ENAH: variants seen among roughly 807,000 people sequenced by gnomAD.
The protein encoded by ENAH is ENAH actin regulator.
In ENAH, 23 loss-of-function variants were observed where a neutral mutation model predicts 78.7. The observed-to-expected ratio is 0.29, with a 90% CI of 0.21 to 0.41. The LOEUF (loss-of-function observed/expected upper bound fraction) is 0.41. ENAH is among the 10% of genes least tolerant of loss of function. ENAH has a pLI of 1.00. For synonymous variants in ENAH, 226 were observed against 241.0 expected (o/e 0.94, Z 0.58); for missense variants, 544 against 691.0 (o/e 0.79, Z 2.39).
In ENAH at chr1:225,597,769, T is replaced by C. The variant is rs1476625427; in HGVS notation, c.6-30355A>G. On this transcript the variant is annotated intron_variant, in intron 1 of 13. Coordinates refer to ENST00000366843, the MANE Select transcript of ENAH (RefSeq NM_018212.6). ...AAAAAGAGTATTTTTCTTCTTTTGC[T>C]ACACTGAAACGGAACAAAATATTAA... Among the ~76,000 whole-genome samples the C allele has an allele frequency of 9.9e-5, 15 of 152,108 alleles. No individual in the cohort carries two copies. The South Asian group carries it at 3.1e-3, about 32-fold the overall frequency.
intron 1 of ENAH, among the ~76,000 whole-genome samples, chr1:225,621,486 G>T (rs1388918751): frequency 6.6e-6 from 1 of 151,542 alleles, no homozygotes; most frequent in African/African-American, 2.4e-5. Context: ...TAGAGACGGG[G>T]TTTCACCGTT....
At chr1:225,564,074 G>T (rs776230052) in intron 2 of ENAH, among the ~76,000 whole-genome samples, 19 of 151,418 alleles carry the variant, frequency 1.3e-4, no homozygotes, top group Admixed American at 2.0e-4. Context: ...CCTAAAATTG[G>T]TTATTTGTAC....
chr1:225,505,193 C>G, intron 11 of ENAH: 2 of 518,708 alleles, frequency 3.9e-6, no homozygotes, highest in Non-Finnish European at 3.3e-6. Flanking sequence ...CAATTTTTCC[C>G]CAATAAAAGA....
At chr1:225,553,212 C>A (rs1044601244) in intron 3 of ENAH, among the ~76,000 whole-genome samples, 2 of 152,116 alleles carry the variant, frequency 1.3e-5, no homozygotes, top group Non-Finnish European at 2.9e-5. Flanking sequence ...CCAGCCTGGG[C>A]AACAGAGCTA....
At chr1:225,510,027 T>C (rs569593993) in intron 10 of ENAH, among the ~76,000 whole-genome samples, 1 of 152,342 alleles carries the variant, frequency 6.6e-6, no homozygotes, top group Admixed American at 6.5e-5. Flanking sequence ...CAACAAGTGG[T>C]TGTAAAAAGG....
At chr1:225,580,912 C>CAAA (rs78529288) in intron 1 of ENAH, among the ~76,000 whole-genome samples, 18 of 63,910 alleles carry the variant, frequency 2.8e-4, no homozygotes, top group African/African-American at 6.6e-4. Context: ...AGAAAAAAAC[C>CAAA]AAAAAAAAAA....
chr1:225,611,161 TA>T (rs902416672), intron 1 of ENAH, among the ~76,000 whole-genome samples: 21 of 152,110 alleles, frequency 1.4e-4, no homozygotes, highest in Non-Finnish European at 1.2e-4. Context: ...CTGTACATCT[TA>T]TATTTCAATA....
intron 3 of ENAH, among the ~76,000 whole-genome samples, chr1:225,534,482 C>T (rs2096552434): frequency 6.6e-6 from 1 of 151,770 alleles, no homozygotes; most frequent in African/African-American, 2.4e-5. Context: ...AAAGTACATA[C>T]ATTTTAAAAT....
intron 6 of ENAH, 124 bp downstream of exon 6, chr1:225,517,072 G>C: frequency 1.6e-6 from 1 of 606,604 alleles, no homozygotes. Flanking sequence ...AAAAAAGCAT[G>C]GCATTATGGC....
At chr1:225,566,963 T>G (rs1486920545) in intron 2 of ENAH, among the ~76,000 whole-genome samples, 1 of 152,260 alleles carries the variant, frequency 6.6e-6, no homozygotes, top group Non-Finnish European at 1.5e-5. Flanking sequence ...TGTTTGTTTG[T>G]CCTTAATTTG....
intron 10 of ENAH, among the ~76,000 whole-genome samples, chr1:225,510,323 T>C (rs1019535039): frequency 6.6e-6 from 1 of 152,154 alleles, no homozygotes; most frequent in Non-Finnish European, 1.5e-5. Flanking sequence ...ATTCTGAAAT[T>C]ATGAACAAAT....
At chr1:225,639,072 T>C (rs1558948286) in intron 1 of ENAH, among the ~76,000 whole-genome samples, 1 of 152,146 alleles carries the variant, frequency 6.6e-6, no homozygotes, top group Non-Finnish European at 1.5e-5. Context: ...AGCAACACAA[T>C]GCATATCATC....
chr1:225,491,128 T>G lies in ENAH; in HGVS notation c.*6647A>C, dbSNP rs1424238471. The stretch of plus-strand genomic sequence containing the variant: ...TAATGAAAAGCTGGTATTTCTCACA[T>G]AAAACACGTTGAAAAACATTTATTT... On this transcript the variant is annotated 3_prime_UTR_variant, in exon 14 of 14. Transcript: ENST00000366843. The G allele has an allele frequency of 6.6e-6, 1 of 152,196 alleles. No individual in the cohort carries two copies. The highest frequency in any genetic ancestry group is 1.5e-5 in the Non-Finnish European group (1 of 68,040). 9.4% of individuals were successfully genotyped at this position (152,196 alleles called of 1,614,324 possible). A position where few individuals can be genotyped will look rare whatever the true frequency, so the allele number is the denominator to read the frequency against.
chr1:225,652,907 G>T lies in ENAH; in HGVS notation c.-217C>A. 2.5e-6 allele frequency: 1 copy of T among 395,474 alleles called. No homozygotes were observed. Among genetic ancestry groups the T allele is most frequent in the Non-Finnish European group, 4.4e-6 (1 of 225,132 alleles). The allele number at this position is 395,474 out of a possible 1,614,324, so 24.5% of individuals were successfully genotyped here. A position where few individuals can be genotyped will look rare whatever the true frequency, so the allele number is the denominator to read the frequency against. On this transcript the variant is annotated 5_prime_UTR_variant, in exon 1 of 14. Transcript: ENST00000366843. Reference sequence around the variant, plus strand: ...AAGAGGGCGAGAGAAAGGCTGGGGAGGGGGCGGAGAGGCCGAGGCGCGGAG... The same window carrying T: ...AAGAGGGCGAGAGAAAGGCTGGGGATGGGGCGGAGAGGCCGAGGCGCGGAG...
At chr1:225,545,092 C>T (rs998483658) in intron 3 of ENAH, among the ~76,000 whole-genome samples, 2 of 152,164 alleles carry the variant, frequency 1.3e-5, no homozygotes, top group African/African-American at 4.8e-5. Flanking sequence ...GCCAGCCCTC[C>T]ATAATGTCCT....
At chr1:225,584,855 T>C (rs2147797936) in intron 1 of ENAH, among the ~76,000 whole-genome samples, 1 of 152,334 alleles carries the variant, frequency 6.6e-6, no homozygotes, top group South Asian at 2.1e-4. Flanking sequence ...TTCAAAATTA[T>C]AAAATGGTCA....
intron 3 of ENAH, chr1:225,535,439 A>C (rs2096557070): frequency 1.9e-6 from 2 of 1,065,162 alleles, no homozygotes; most frequent in Non-Finnish European, 2.6e-6. Flanking sequence ...AGAAAACAAA[A>C]GTTATGGAAA....
chr1:225,534,099 TAGAA>T (rs1290267247), intron 3 of ENAH, among the ~76,000 whole-genome samples: 2 of 152,060 alleles, frequency 1.3e-5, no homozygotes, highest in Non-Finnish European at 2.9e-5. Flanking sequence ...ACATATTAAA[TAGAA>T]AGGCATACAA....
intron 1 of ENAH, among the ~76,000 whole-genome samples, chr1:225,629,275 C>G (rs1308235774): frequency 6.6e-6 from 1 of 150,702 alleles, no homozygotes; most frequent in Non-Finnish European, 1.5e-5. Context: ...AAGACTCCAT[C>G]TCGGAAGAAA....
Sources: allele counts gnomAD v4.1 joint callset (sites outside exome capture counted in the v4.1 genomes callset), GRCh38; gene constraint gnomAD v4.1.1; transcripts MANE v1.5; gene names NCBI Gene and HGNC (gene_info 2026-07-23, HGNC 2026-07-21).